Variants in CENPP observed in about 807,000 individuals in gnomAD.
The protein encoded by CENPP is centromere protein P.
In CENPP, 24 loss-of-function variants were observed where a neutral mutation model predicts 35.6. The observed-to-expected ratio is 0.67, with a 90% CI of 0.49 to 0.95. CENPP has a LOEUF of 0.95. CENPP is among the 40% of genes least tolerant of loss of function. The pLI is 0.00. For missense variants in CENPP, 332 were observed against 345.3 expected (o/e 0.96, Z 0.31); for synonymous variants, 120 against 125.5 (o/e 0.96, Z 0.29).
intron 5 of CENPP, among the ~76,000 whole-genome samples, chr9:92,478,060 T>C (rs1269150424): frequency 3.3e-5 from 5 of 152,116 alleles, no homozygotes; most frequent in East Asian, 1.9e-4. Context: ...AAGATTGAAA[T>C]AGAATGTACA....
intron 5 of CENPP, chr9:92,496,332 G>T: frequency 6.3e-7 from 1 of 1,590,240 alleles, no homozygotes; most frequent in Non-Finnish European, 8.5e-7. Flanking sequence ...ATGTTTTGTG[G>T]TTTAAGAACG....
intron 5 of CENPP, among the ~76,000 whole-genome samples, chr9:92,416,266 AT>A (rs1393526849): frequency 6.6e-6 from 1 of 151,270 alleles, no homozygotes; most frequent in African/African-American, 2.4e-5. Flanking sequence ...TGCCTGGCTA[AT>A]TTTTCTATTT....
At chr9:92,504,546 G>T (rs1239019295) in intron 5 of CENPP, among the ~76,000 whole-genome samples, 1 of 152,058 alleles carries the variant, frequency 6.6e-6, no homozygotes, top group Admixed American at 6.5e-5. Context: ...GGTGGGGTGT[G>T]GTTTGTAGAG....
At chr9:92,431,604 T>C (rs990554823) in intron 5 of CENPP, among the ~76,000 whole-genome samples, 31 of 152,318 alleles carry the variant, frequency 2.0e-4, no homozygotes, top group African/African-American at 7.5e-4. Context: ...AGACAGAGTC[T>C]AGCTCTGTTT....
At chr9:92,372,041 TAA>T (rs1167832452) in intron 4 of CENPP, among the ~76,000 whole-genome samples, 1 of 52,240 alleles carries the variant, frequency 1.9e-5, no homozygotes, top group African/African-American at 7.6e-5. Context: ...AGACTCCATC[TAA>T]AAAAAAAAAA....
chr9:92,457,197 T>C (rs1844906415), intron 5 of CENPP: 1 of 1,492,084 alleles, frequency 6.7e-7, no homozygotes, highest in East Asian at 2.4e-5. Flanking sequence ...TGCTTGTATA[T>C]ATAATACTAC....
intron 5 of CENPP, among the ~76,000 whole-genome samples, chr9:92,397,974 G>A (rs1300797311): frequency 6.6e-6 from 1 of 152,146 alleles, no homozygotes; most frequent in African/African-American, 2.4e-5. Context: ...ACTCCACAGT[G>A]TTCTTTCTAG....
chr9:92,485,209 A>T (rs1487590847), intron 5 of CENPP, among the ~76,000 whole-genome samples: 1 of 152,202 alleles, frequency 6.6e-6, no homozygotes, highest in Non-Finnish European at 1.5e-5. Flanking sequence ...TCTTCCCTCA[A>T]GTATTGTGAA....
chr9:92,403,059 G>C (rs527584738), intron 5 of CENPP, among the ~76,000 whole-genome samples: 43 of 152,016 alleles, frequency 2.8e-4, no homozygotes, highest in African/African-American at 9.4e-4. Context: ...TATTAATTTG[G>C]AAAGCATACA....
At chr9:92,371,234 A>T (rs1841997898) in intron 4 of CENPP, among the ~76,000 whole-genome samples, 1 of 152,064 alleles carries the variant, frequency 6.6e-6, no homozygotes, top group Admixed American at 6.6e-5. Context: ...TACCTTCTGG[A>T]TGTCAGCATT....
chr9:92,449,857 C>T (rs1844657608), intron 5 of CENPP, among the ~76,000 whole-genome samples: 1 of 152,188 alleles, frequency 6.6e-6, no homozygotes, highest in African/African-American at 2.4e-5. Flanking sequence ...GCTTCCTATA[C>T]AGCCTGCAGA....
intron 5 of CENPP, among the ~76,000 whole-genome samples, chr9:92,471,199 C>CTT (rs373674313): frequency 5.0e-5 from 7 of 140,856 alleles, no homozygotes; most frequent in East Asian, 2.0e-4. Context: ...ATTTTTCTTT[C>CTT]TTTTTTTTTT....
chr9:92,420,337 T>C (rs1011091807), intron 5 of CENPP, among the ~76,000 whole-genome samples: 14 of 152,198 alleles, frequency 9.2e-5, no homozygotes, highest in Non-Finnish European at 2.1e-4. Flanking sequence ...AGTTGATCAC[T>C]ATCGTTGCTC....
intron 5 of CENPP, among the ~76,000 whole-genome samples, chr9:92,440,263 G>A (rs1844352242): frequency 6.6e-6 from 1 of 151,992 alleles, no homozygotes; most frequent in African/African-American, 2.4e-5. Flanking sequence ...TAGTCTTTTG[G>A]CTTCCCTGGG....
rs374911895 is a variant in CENPP, at chr9:92,575,056, A to G, written c.565-36258A>G. ...ACCTTAGCTAACACCATATACAAAA[A>G]TTAACTCAAAATGGATCAAAGACCT... On this transcript the variant is annotated intron_variant, in intron 5 of 7. Coordinates refer to ENST00000375587, the MANE Select transcript of CENPP (RefSeq NM_001012267.3). Among the ~76,000 whole-genome samples, 11 of 152,218 alleles carry G rather than the reference A, an allele frequency of 7.2e-5. 1 individual carries two copies. In the East Asian group the frequency reaches 9.6e-4, roughly 13 times the overall value.
intron 4 of CENPP, among the ~76,000 whole-genome samples, chr9:92,358,469 C>T (rs762153723): frequency 6.6e-6 from 1 of 152,118 alleles, no homozygotes; most frequent in East Asian, 1.9e-4. Flanking sequence ...GTCTTGAACT[C>T]CTGACCTCAA....
At chr9:92,506,798 T>A (rs1304797838) in intron 5 of CENPP, among the ~76,000 whole-genome samples, 1 of 152,086 alleles carries the variant, frequency 6.6e-6, no homozygotes, top group Non-Finnish European at 1.5e-5. Context: ...ACCATGTGGG[T>A]TTGCTCAGGG....
intron 5 of CENPP, among the ~76,000 whole-genome samples, chr9:92,474,405 T>C (rs532241723): frequency 6.6e-6 from 1 of 152,316 alleles, no homozygotes; most frequent in Admixed American, 6.5e-5. Context: ...AAGGAAATGT[T>C]CTATGGACAA....
intron 5 of CENPP, chr9:92,457,075 G>T: frequency 7.4e-7 from 1 of 1,342,386 alleles, no homozygotes; most frequent in Non-Finnish European, 9.5e-7. Context: ...AAAAGAAACT[G>T]CAATAGATGC....
Sources: allele counts gnomAD v4.1 joint callset (sites outside exome capture counted in the v4.1 genomes callset), GRCh38; gene constraint gnomAD v4.1.1; transcripts MANE v1.5; gene names NCBI Gene and HGNC (gene_info 2026-07-23, HGNC 2026-07-21).